TENM2: variants seen among roughly 807,000 people sequenced by gnomAD.
The protein encoded by TENM2 is teneurin-2.
A neutral mutation model predicts 245.2 loss-of-function variants in TENM2; 52 were observed. The ratio of observed to expected loss-of-function variants is 0.21; its 90% confidence interval spans 0.17 to 0.27. TENM2 has a LOEUF of 0.27. TENM2 is among the 10% of genes least tolerant of loss of function. The pLI, the probability that TENM2 is intolerant of heterozygous loss-of-function variation, is 1.00. For synonymous variants in TENM2, 1,363 were observed against 1,438.9 expected (o/e 0.95, Z 1.19); for missense variants, 3,046 against 3,666.8 (o/e 0.83, Z 4.37).
At chr5:167,752,261 A>ATTTT (rs575290973) in intron 2 of TENM2, among the ~76,000 whole-genome samples, 2 of 123,354 alleles carry the variant, frequency 1.6e-5, no homozygotes, top group Non-Finnish European at 1.7e-5. Flanking sequence ...TGCCCAGCTA[A>ATTTT]TTTTTTTTTT....
At chr5:167,550,369 A>G (rs1772847389) in intron 2 of TENM2, among the ~76,000 whole-genome samples, 1 of 151,944 alleles carries the variant, frequency 6.6e-6, no homozygotes, top group Admixed American at 6.6e-5. Context: ...GTTTCTCACA[A>G]CTCTTGCCTT....
At chr5:167,212,766 A>G in the TENM2 span, among the ~76,000 whole-genome samples, 8 of 152,204 alleles carry the variant, frequency 5.3e-5, no homozygotes, top group Admixed American at 4.6e-4. Context: ...AATTAGATCA[A>G]TATTTCATTG....
intron 1 of TENM2, among the ~76,000 whole-genome samples, chr5:167,316,083 C>T (rs1254514230): frequency 1.3e-5 from 2 of 152,130 alleles, no homozygotes; most frequent in Non-Finnish European, 1.5e-5. Context: ...ACTTGCCATT[C>T]CATTCACTCC....
At chr5:167,218,889 G>A in the TENM2 span, among the ~76,000 whole-genome samples, 5 of 152,142 alleles carry the variant, frequency 3.3e-5, no homozygotes, top group Non-Finnish European at 7.3e-5. Flanking sequence ...AATTATTCCT[G>A]TTTTACAGAT....
intron 2 of TENM2, among the ~76,000 whole-genome samples, chr5:167,599,347 A>G (rs1226324620): frequency 6.6e-6 from 1 of 152,170 alleles, no homozygotes; most frequent in African/African-American, 2.4e-5. Context: ...TGGGCATTTT[A>G]ATTGATTTTT....
chr5:167,432,599 T>A (rs879772797), intron 2 of TENM2, among the ~76,000 whole-genome samples: 7 of 152,074 alleles, frequency 4.6e-5, no homozygotes, highest in Non-Finnish European at 1.0e-4. Flanking sequence ...AATCATTATT[T>A]CTCAGATGAC....
intron 12 of TENM2, among the ~76,000 whole-genome samples, chr5:168,146,694 G>A (rs1405962463): frequency 3.9e-5 from 6 of 152,162 alleles, no homozygotes; most frequent in Non-Finnish European, 7.3e-5. Context: ...TAATCCTCAT[G>A]TCAGTTTTGT....
At chr5:167,052,563 A>G in the TENM2 span, among the ~76,000 whole-genome samples, 1 of 152,174 alleles carries the variant, frequency 6.6e-6, no homozygotes, top group African/African-American at 2.4e-5. Flanking sequence ...GACACTTTGG[A>G]AAACAGTGAA....
At chr5:167,405,356 A>G (rs1762574011) in intron 2 of TENM2, among the ~76,000 whole-genome samples, 1 of 152,070 alleles carries the variant, frequency 6.6e-6, no homozygotes, top group Non-Finnish European at 1.5e-5. Flanking sequence ...GCTCTGGTCA[A>G]GTTATGTGAC....
intron 2 of TENM2, among the ~76,000 whole-genome samples, chr5:167,828,037 A>G (rs1226138007): frequency 6.6e-6 from 1 of 152,198 alleles, no homozygotes. Flanking sequence ...TTTTGCCTCT[A>G]CATGACATTT....
At chr5:168,260,157 C>A in intron 27 of TENM2, 126 bp from the exon 30 acceptor site, 5 of 931,180 alleles carry the variant, frequency 5.4e-6, no homozygotes, top group Admixed American at 2.2e-5. Context: ...CAGTCATAAG[C>A]TCTTCCTCCC....
At chr5:167,835,904 T>C (rs1324696845) in intron 2 of TENM2, among the ~76,000 whole-genome samples, 1 of 152,104 alleles carries the variant, frequency 6.6e-6, no homozygotes, top group Non-Finnish European at 1.5e-5. Flanking sequence ...GAACACTCAA[T>C]TGATAAAACA....
At chr5:168,115,067 G>A (rs1794949172) in intron 9 of TENM2, among the ~76,000 whole-genome samples, 1 of 152,098 alleles carries the variant, frequency 6.6e-6, no homozygotes, top group Non-Finnish European at 1.5e-5. Context: ...GCCAAGGCGG[G>A]TGGATCACCT....
At chr5:167,278,200 A>C in the TENM2 span, among the ~76,000 whole-genome samples, 1 of 152,138 alleles carries the variant, frequency 6.6e-6, no homozygotes, top group African/African-American at 2.4e-5. Context: ...GCTACTCAGG[A>C]AGTTAAGACA....
chr5:167,537,922 C>A (rs1351117508), intron 2 of TENM2, among the ~76,000 whole-genome samples: 1 of 152,162 alleles, frequency 6.6e-6, no homozygotes, highest in Non-Finnish European at 1.5e-5. Flanking sequence ...GGTTACAAAG[C>A]CATGATATTC....
intron 2 of TENM2, among the ~76,000 whole-genome samples, chr5:167,750,023 A>C (rs1582908072): frequency 6.6e-6 from 1 of 152,108 alleles, no homozygotes; most frequent in East Asian, 1.9e-4. Context: ...TGTCAAAAGC[A>C]ATGGAGATGA....
intron 1 of TENM2, among the ~76,000 whole-genome samples, chr5:167,350,191 T>A (rs1345229919): frequency 6.6e-6 from 1 of 152,154 alleles, no homozygotes; most frequent in East Asian, 1.9e-4. Context: ...TTCCCTTGGG[T>A]CACTTAATTT....
chr5:167,571,519 C>G (rs1438007490), intron 2 of TENM2, among the ~76,000 whole-genome samples: 1 of 152,122 alleles, frequency 6.6e-6, no homozygotes, highest in Non-Finnish European at 1.5e-5. Flanking sequence ...CCACCCTACT[C>G]AAGGTATCTT....
At chr5:167,754,940 T>C in intron 2 of TENM2, 1 of 1,425,152 alleles carries the variant, frequency 7.0e-7, no homozygotes, top group Non-Finnish European at 9.4e-7. Context: ...CCTATTATGC[T>C]TTTCCTTCCC....
Sources: allele counts gnomAD v4.1 joint callset (sites outside exome capture counted in the v4.1 genomes callset), GRCh38; gene constraint gnomAD v4.1.1; transcripts MANE v1.5; gene names NCBI Gene and HGNC (gene_info 2026-07-23, HGNC 2026-07-21).